GRID2: variants seen among roughly 807,000 people sequenced by gnomAD.
The protein encoded by GRID2 is glutamate ionotropic receptor delta type subunit 2.
Under a neutral mutation model 114.8 loss-of-function variants are expected in GRID2, and 33 were observed. That is an observed-to-expected ratio of 0.29 (90% CI 0.22 to 0.38). The LOEUF (loss-of-function observed/expected upper bound fraction) is 0.38, where lower values mean the gene tolerates loss of function less well. Ranked by LOEUF, GRID2 falls within the 10% of genes least tolerant of loss-of-function variation. The pLI is 1.00. For synonymous variants in GRID2, 505 were observed against 449.9 expected (o/e 1.12, Z -1.55); for missense variants, 1,184 against 1,257.7 (o/e 0.94, Z 0.89).
chr4:92,721,080 A>G (rs955956536), intron 2 of GRID2, among the ~76,000 whole-genome samples: 2 of 152,142 alleles, frequency 1.3e-5, no homozygotes, highest in African/African-American at 4.8e-5. Context: ...GTATGATTCT[A>G]CTATATGAGA....
At chr4:93,763,632 C>A (rs1336176472) in intron 14 of GRID2, among the ~76,000 whole-genome samples, 1 of 152,112 alleles carries the variant, frequency 6.6e-6, no homozygotes, top group Non-Finnish European at 1.5e-5. Context: ...GAGTTCTAAG[C>A]CCAATTCAAC....
chr4:93,618,617 C>A lies in GRID2; in HGVS notation c.2194-7652C>A, dbSNP rs559752095. On this transcript the variant is annotated intron_variant, in intron 13 of 15. Coordinates refer to ENST00000282020, the MANE Select transcript of GRID2 (RefSeq NM_001510.4). ...CAACTCTTTCTGGCCAGTTTAAAGG[C>A]AACAGAACATGTATATTAATGGTAA... Among the ~76,000 whole-genome samples, 53 of 152,278 alleles carry A rather than the reference C, an allele frequency of 3.5e-4. 1 individual carries two copies. Among genetic ancestry groups the A allele is most frequent in the Non-Finnish European group, 6.0e-4 (41 of 68,026 alleles).
intron 1 of GRID2, among the ~76,000 whole-genome samples, chr4:92,356,160 G>A (rs1052568248): frequency 6.6e-5 from 10 of 151,486 alleles, no homozygotes; most frequent in Non-Finnish European, 1.2e-4. Flanking sequence ...AAAAAAATGT[G>A]TCTTCAAATA....
chr4:92,682,561 A>G (rs1487325198), intron 2 of GRID2, among the ~76,000 whole-genome samples: 1 of 152,162 alleles, frequency 6.6e-6, no homozygotes, highest in East Asian at 1.9e-4. Flanking sequence ...AAGGAAAAAA[A>G]CTGGGAAGAT....
intron 13 of GRID2, among the ~76,000 whole-genome samples, chr4:93,592,121 C>T (rs1002067790): frequency 1.3e-5 from 2 of 152,108 alleles, no homozygotes; most frequent in African/African-American, 4.8e-5. Context: ...TTTCCTCTTG[C>T]TTTTCTAGTT....
intron 2 of GRID2, among the ~76,000 whole-genome samples, chr4:93,075,300 C>G (rs1666861185): frequency 6.6e-6 from 1 of 152,136 alleles, no homozygotes; most frequent in African/African-American, 2.4e-5. Flanking sequence ...AAACTCTGTT[C>G]TCAGCAATAA....
At chr4:93,730,049 G>A (rs1730338449) in intron 14 of GRID2, among the ~76,000 whole-genome samples, 1 of 152,112 alleles carries the variant, frequency 6.6e-6, no homozygotes, top group Non-Finnish European at 1.5e-5. Flanking sequence ...GTGAATGAAT[G>A]AATGCATGAA....
At chr4:92,328,890 C>T (rs1411218358) in intron 1 of GRID2, among the ~76,000 whole-genome samples, 1 of 151,952 alleles carries the variant, frequency 6.6e-6, no homozygotes, top group Admixed American at 6.6e-5. Flanking sequence ...CATGTTTCCT[C>T]TTTATGTCCT....
chr4:92,738,281 T>C (rs1408295472), intron 2 of GRID2, among the ~76,000 whole-genome samples: 1 of 152,118 alleles, frequency 6.6e-6, no homozygotes, highest in Non-Finnish European at 1.5e-5. Context: ...GAATGTCTGT[T>C]CCTTAGGTCA....
Position 92,522,966 on chromosome 4 carries a change from G to T in GRID2, c.89-67165G>T, listed in dbSNP as rs941985689. 3.3e-5 allele frequency among the ~76,000 whole-genome samples: 5 copies of T among 151,904 alleles called. No individual in the cohort carries two copies. In the South Asian group the frequency reaches 1.0e-3, roughly 31 times the overall value. ...AAGTTTGGAGGAATTATAGCCAATT[G>T]TATGCTGTAGTTTAGTGCTCTCTGG... On this transcript the variant is annotated intron_variant, in intron 1 of 15. Coordinates refer to ENST00000282020, the MANE Select transcript of GRID2 (RefSeq NM_001510.4).
intron 1 of GRID2, among the ~76,000 whole-genome samples, chr4:92,367,697 T>G (rs1728935821): frequency 6.6e-6 from 1 of 152,090 alleles, no homozygotes; most frequent in African/African-American, 2.4e-5. Context: ...GGAAGTCATT[T>G]AAAGATTTAA....
At chr4:93,375,956 C>T (rs1012468907) in intron 8 of GRID2, among the ~76,000 whole-genome samples, 7 of 152,172 alleles carry the variant, frequency 4.6e-5, no homozygotes, top group Middle Eastern at 6.8e-3. Context: ...TGGGTTTTCC[C>T]TGAGGCCTCT....
At chr4:93,081,412 G>A (rs1729857915) in intron 2 of GRID2, among the ~76,000 whole-genome samples, 1 of 152,142 alleles carries the variant, frequency 6.6e-6, no homozygotes, top group South Asian at 2.1e-4. Context: ...TAGTGTACAT[G>A]AATATATCTT....
intron 7 of GRID2, among the ~76,000 whole-genome samples, chr4:93,229,462 C>G (rs374002851): frequency 1.8e-4 from 28 of 152,136 alleles, no homozygotes; most frequent in African/African-American, 6.5e-4. Context: ...TGTAGGATGG[C>G]CTTTCTTAAT....
At chr4:92,792,974 C>A (rs1739668978) in intron 2 of GRID2, among the ~76,000 whole-genome samples, 1 of 149,554 alleles carries the variant, frequency 6.7e-6, no homozygotes, top group Non-Finnish European at 1.5e-5. Flanking sequence ...AGTATCTTGG[C>A]TTTCCCTTTG....
rs572279325 is a variant in GRID2, at chr4:92,875,114, A to AGG, written c.245-209880_245-209879dup. Among the ~76,000 whole-genome samples, 53 of 151,480 alleles carry AGG rather than the reference A, an allele frequency of 3.5e-4. 1 individual carries two copies. The South Asian group carries it at 0.01, about 29-fold the overall frequency. ...CCAAGGAACTAGAGGTAGCAACTGAAGGATAATTCATGAAACTAAATATTA... is the reference window on the plus strand; with the variant it reads ...CCAAGGAACTAGAGGTAGCAACTGAAGGGGATAATTCATGAAACTAAATATTA... On this transcript the variant is annotated intron_variant, in intron 2 of 15. Transcript: ENST00000282020.
chr4:92,785,263 C>A (rs1167187491), intron 2 of GRID2, among the ~76,000 whole-genome samples: 2 of 151,362 alleles, frequency 1.3e-5, no homozygotes, highest in East Asian at 2.0e-4. Context: ...ATATTAATTA[C>A]CATCAACAGC....
intron 2 of GRID2, among the ~76,000 whole-genome samples, chr4:92,946,208 T>C (rs1751619183): frequency 6.6e-6 from 1 of 152,070 alleles, no homozygotes; most frequent in Non-Finnish European, 1.5e-5. Flanking sequence ...GCCTTCAAAA[T>C]GGGAGGTCTG....
chr4:93,699,109 T>G (rs1174218718), intron 14 of GRID2, among the ~76,000 whole-genome samples: 2 of 152,114 alleles, frequency 1.3e-5, no homozygotes, highest in African/African-American at 4.8e-5. Context: ...TAATTGTTAT[T>G]TATTACTATT....
Sources: gnomAD v4.1 joint callset for allele counts (sites outside exome capture counted in the v4.1 genomes callset) on GRCh38, gnomAD v4.1.1 for gene constraint, MANE v1.5 for transcripts, NCBI Gene and HGNC (gene_info 2026-07-23, HGNC 2026-07-21) for gene names.